Variants in MECOM observed in about 807,000 individuals in gnomAD.
MECOM encodes the protein MDS1 and EVI1 complex locus, also known as histone-lysine N-methyltransferase MECOM.
Under a neutral mutation model 116.3 loss-of-function variants are expected in MECOM, and 13 were observed. That is an observed-to-expected ratio of 0.11 (90% confidence interval 0.07 to 0.18). MECOM has a LOEUF of 0.18. MECOM is among the 10% of genes least tolerant of loss of function. MECOM has a pLI of 1.00. For missense variants in MECOM, 1,299 were observed against 1,509.0 expected, an observed-to-expected ratio of 0.86 and a Z score of 2.31; for synonymous variants, 528 against 535.2, an observed-to-expected ratio of 0.99 and a Z score of 0.19.
intron 2 of MECOM, among the ~76,000 whole-genome samples, chr3:169,297,929 T>C (rs1715947679): frequency 1.3e-5 from 2 of 152,212 alleles, no homozygotes; most frequent in Non-Finnish European, 2.9e-5. Context: ...GAGAAGTGCC[T>C]AACATGACAA....
At chr3:169,501,285 C>T (rs1754490136) in intron 1 of MECOM, among the ~76,000 whole-genome samples, 1 of 151,916 alleles carries the variant, frequency 6.6e-6, no homozygotes, top group African/African-American at 2.4e-5. Flanking sequence ...TAACAGACAT[C>T]CCATTTCCTA....
intron 16 of MECOM, 109 bp downstream of exon 16, chr3:169,088,891 T>C (rs1718722019): frequency 3.9e-6 from 4 of 1,029,888 alleles, no homozygotes; most frequent in African/African-American, 1.7e-5. Flanking sequence ...TGACCCCATT[T>C]GGATTCTAAA....
intron 1 of MECOM, among the ~76,000 whole-genome samples, chr3:169,487,331 A>C (rs1752501677): frequency 6.6e-6 from 1 of 152,050 alleles, no homozygotes. Context: ...GGAAGTTGTA[A>C]GTACAAGGTG....
chr3:169,475,964 C>T (rs559215917), intron 1 of MECOM, among the ~76,000 whole-genome samples: 1 of 152,272 alleles, frequency 6.6e-6, no homozygotes, highest in South Asian at 2.1e-4. Flanking sequence ...GATATTTGCT[C>T]TAAATATGGC....
intron 3 of MECOM, among the ~76,000 whole-genome samples, chr3:169,140,781 T>C (rs917846433): frequency 2.0e-5 from 3 of 148,798 alleles, no homozygotes; most frequent in Non-Finnish European, 4.5e-5. Flanking sequence ...GGTAGAAAGG[T>C]ATGGGGAAAG....
At chr3:169,352,813 G>A (rs1726575331) in intron 2 of MECOM, among the ~76,000 whole-genome samples, 1 of 151,900 alleles carries the variant, frequency 6.6e-6, no homozygotes, top group African/African-American at 2.4e-5. Context: ...TTGCAACGAA[G>A]CTATTCAACG....
chr3:169,374,688 G>T lies in MECOM; in HGVS notation c.375+6499C>A, dbSNP rs113546862. 2.5e-3 allele frequency among the ~76,000 whole-genome samples: 373 copies of T among 151,988 alleles called. 2 individuals carry two copies. Among genetic ancestry groups the T allele is most frequent in the Non-Finnish European group, 4.0e-3 (274 of 67,940 alleles). On this transcript the variant is annotated intron_variant, in intron 2 of 16. Coordinates refer to ENST00000651503, the MANE Select transcript of MECOM (RefSeq NM_004991.4). Reference sequence around the variant, plus strand: ...AGATAACCCTCATCTTTAATAAGTGGATCCACCTTTCTTGGTGGGACAAAA... The same window carrying T: ...AGATAACCCTCATCTTTAATAAGTGTATCCACCTTTCTTGGTGGGACAAAA...
chr3:169,103,426 C>A (rs1338271094), intron 10 of MECOM, among the ~76,000 whole-genome samples: 1 of 152,114 alleles, frequency 6.6e-6, no homozygotes, highest in African/African-American at 2.4e-5. Context: ...CCTGTTAAAT[C>A]AACTCACCCA....
At chr3:169,275,405 T>C (rs995987723) in intron 2 of MECOM, among the ~76,000 whole-genome samples, 2 of 152,182 alleles carry the variant, frequency 1.3e-5, no homozygotes, top group African/African-American at 4.8e-5. Context: ...AGGATTGAAA[T>C]GGTTATCTAG....
intron 1 of MECOM, among the ~76,000 whole-genome samples, chr3:169,590,718 G>GC (rs1206259629): frequency 6.6e-6 from 1 of 152,234 alleles, no homozygotes; most frequent in African/African-American, 2.4e-5. Flanking sequence ...TAAAGTCCAC[G>GC]CACTGCCACT....
rs1457193883 is a variant in MECOM at position 169,131,464 on chromosome 3, T to C, written c.578A>G (p.Asp193Gly). The change falls in exon 4 of 17, where the codon GAC becomes GGC. Residue 193 changes from aspartate to glycine, a missense_variant. This residue lies in a region of MECOM where 374 missense variants were observed against 433.4 expected (regional missense o/e 0.86). Coordinates refer to ENST00000651503, the MANE Select transcript of MECOM (RefSeq NM_004991.4). ...EELLLFMKSE[D>G]YPHETMAPDI... is the part of the protein sequence containing the mutation. ...CGGCGCCATAGTTTCATGGGGATAG[T>C]CTTCGCTCTTCATGAACAGCAGAAG... The C allele has an allele frequency of 2.5e-6, 4 of 1,614,014 alleles. No individual in the cohort carries two copies. The highest frequency in any genetic ancestry group is 3.4e-6 in the Non-Finnish European group (4 of 1,180,000).
At position 169,307,777 on chromosome 3, in the gene MECOM, C is replaced by T. The variant is rs184416294; in HGVS notation, c.375+73410G>A. 1.7e-3 allele frequency among the ~76,000 whole-genome samples: 254 copies of T among 152,234 alleles called. 1 individual carries two copies. The highest frequency in any genetic ancestry group is 3.1e-3 in the Non-Finnish European group (208 of 68,014). ...GTTTCCCATCTACCTAGTTCCCTCCCACTCCTATAGGGAACCACTGCTCCT... is the reference window on the plus strand; with the variant it reads ...GTTTCCCATCTACCTAGTTCCCTCCTACTCCTATAGGGAACCACTGCTCCT... On this transcript the variant is annotated intron_variant, in intron 2 of 16. Coordinates refer to ENST00000651503, the MANE Select transcript of MECOM (RefSeq NM_004991.4).
At chr3:169,530,157 CAAGGAGGGCTT>C (rs1758431934) in intron 1 of MECOM, among the ~76,000 whole-genome samples, 1 of 141,514 alleles carries the variant, frequency 7.1e-6, no homozygotes. Context: ...GAAAGAAAGG[CAAGGAGGGCTT>C]TCTAAGAAGG....
chr3:169,266,902 A>T (rs1220475550), intron 2 of MECOM, among the ~76,000 whole-genome samples: 3 of 151,982 alleles, frequency 2.0e-5, no homozygotes, highest in Non-Finnish European at 4.4e-5. Flanking sequence ...AAAAGGAAGG[A>T]AGGAAAGAAA....
chr3:169,102,301 C>T, intron 10 of MECOM, 75 bp from the exon 11 acceptor site: 5 of 1,405,062 alleles, frequency 3.6e-6, no homozygotes, highest in East Asian at 2.4e-5. Context: ...AAACCAAGGA[C>T]ATCATTAAAA....
intron 2 of MECOM, among the ~76,000 whole-genome samples, chr3:169,274,360 C>A (rs1577550387): frequency 6.6e-6 from 1 of 152,206 alleles, no homozygotes; most frequent in East Asian, 1.9e-4. Flanking sequence ...TCTAATAAGG[C>A]CATTCTGTAA....
At chr3:169,508,448 A>G (rs573966306) in intron 1 of MECOM, among the ~76,000 whole-genome samples, 9 of 152,132 alleles carry the variant, frequency 5.9e-5, no homozygotes, top group Admixed American at 2.0e-4. Flanking sequence ...TCTAAAGTTT[A>G]AGCTTCTGAA....
chr3:169,166,165 A>C (rs1286388458), intron 2 of MECOM, among the ~76,000 whole-genome samples: 1 of 152,202 alleles, frequency 6.6e-6, no homozygotes, highest in Non-Finnish European at 1.5e-5. Context: ...GACAGAATTT[A>C]TTCTTGAATG....
At chr3:169,169,102 T>C (rs1350061934) in intron 2 of MECOM, among the ~76,000 whole-genome samples, 1 of 152,164 alleles carries the variant, frequency 6.6e-6, no homozygotes, top group African/African-American at 2.4e-5. Flanking sequence ...CTAGCACTAG[T>C]TCACTCCATA....
Sources: allele counts gnomAD v4.1 joint callset (sites outside exome capture counted in the v4.1 genomes callset), GRCh38; gene constraint gnomAD v4.1.1; regional missense constraint gnomAD v4.1.1; transcripts MANE v1.5; gene names NCBI Gene and HGNC (gene_info 2026-07-23, HGNC 2026-07-21).